Variants in KNDC1 observed in about 807,000 individuals in gnomAD.
KNDC1 encodes kinase non-catalytic C-lobe domain containing 1.
Under a neutral mutation model 172.8 loss-of-function variants are expected in KNDC1, and 106 were observed. The ratio of observed to expected loss-of-function variants is 0.61; its 90% confidence interval spans 0.52 to 0.72. The LOEUF (loss-of-function observed/expected upper bound fraction) is 0.72, where lower values mean the gene tolerates loss of function less well. KNDC1 is among the 30% of genes least tolerant of loss of function. KNDC1 has a pLI of 0.00. For missense variants in KNDC1, 2,325 were observed against 2,394.5 expected, an observed-to-expected ratio of 0.97 and a Z score of 0.61; for synonymous variants, 1,083 against 1,062.2, an observed-to-expected ratio of 1.02 and a Z score of -0.38.
At chr10:133,165,435 C>T (rs1468784148) in intron 1 of KNDC1, among the ~76,000 whole-genome samples, 1 of 152,186 alleles carries the variant, frequency 6.6e-6, no homozygotes, top group Non-Finnish European at 1.5e-5. Context: ...TGGCGGCAGG[C>T]GCCTGACCTG....
chr10:133,217,312 G>A lies in KNDC1; in HGVS notation c.4678-1519G>A, dbSNP rs1006767746. 4.6e-5 allele frequency among the ~76,000 whole-genome samples: 7 copies of A among 152,376 alleles called. No individual in the cohort carries two copies. The South Asian group carries it at 6.2e-4, about 14-fold the overall frequency. ...AGACGTCAGCGTAGAAAGTGTATCC[G>A]GTAAACACTTCTCAAGCTCCTCTCA... On this transcript the variant is annotated intron_variant, in intron 26 of 29. Coordinates refer to ENST00000304613, the MANE Select transcript of KNDC1 (RefSeq NM_152643.8).
chr10:133,166,748 T>TG (rs370750027), intron 1 of KNDC1, among the ~76,000 whole-genome samples: 37,408 of 150,190 alleles, frequency 0.25, 4,990 homozygotes, highest in Admixed American at 0.31. Context: ...TGCATGTGCA[T>TG]GGGGGGGGTG....
chr10:133,207,026 G>A (rs1845216256), intron 19 of KNDC1, 73 bp downstream of exon 19: 2 of 1,550,696 alleles, frequency 1.3e-6, no homozygotes, highest in East Asian at 4.5e-5. Flanking sequence ...GTTGGATGCT[G>A]TAAATCTGTC....
At chr10:133,219,114 G>A (rs1234326273) in intron 28 of KNDC1, 24 bp downstream of exon 28, 14 of 1,609,236 alleles carry the variant, frequency 8.7e-6, no homozygotes, top group Admixed American at 1.7e-5. Context: ...ACGTGGCCGG[G>A]CGGCTTTGGT....
At chr10:133,192,154 TC>T (rs1854084006) in intron 9 of KNDC1, among the ~76,000 whole-genome samples, 1 of 152,204 alleles carries the variant, frequency 6.6e-6, no homozygotes, top group African/African-American at 2.4e-5. Context: ...AGGAAACTAT[TC>T]TAAAATTCAT....
At position 133,211,510 on chromosome 10, in the gene KNDC1, G is replaced by C. The variant is rs1269937720; in HGVS notation, c.3997G>C (p.Val1333Leu). 6.2e-7 allele frequency: 1 copy of C among 1,614,032 alleles called. No homozygotes were observed. Among genetic ancestry groups the C allele is most frequent in the African/African-American group, 1.3e-5 (1 of 75,064 alleles). The change falls in exon 22 of 30, where the codon GTG (valine) becomes CTG (leucine). Residue 1333 changes from valine to leucine, a missense_variant. Val to Leu is a conservative substitution (Grantham distance 32, BLOSUM62 1). Coordinates refer to ENST00000304613, the MANE Select transcript of KNDC1 (RefSeq NM_152643.8). ...LQAWVEDCYA[V>L]DFPRNSGLLG... ...GGCCTGGGTGGAGGACTGCTACGCT[G>C]TGGACTTCCCTCGGAACAGCGGGCT...
At chr10:133,176,466 T>C (rs1853541712) in intron 3 of KNDC1, among the ~76,000 whole-genome samples, 1 of 152,254 alleles carries the variant, frequency 6.6e-6, no homozygotes, top group South Asian at 2.1e-4. Context: ...GGAGGGTTGT[T>C]GCTGGTCTCC....
At chr10:133,210,122 A>G (rs575287911) in intron 20 of KNDC1, among the ~76,000 whole-genome samples, 262 of 152,160 alleles carry the variant, frequency 1.7e-3, no homozygotes, top group Non-Finnish European at 3.0e-3. Flanking sequence ...ACGGTGGCTC[A>G]CGCCTGTCAT....
Position 133,172,210 on chromosome 10 carries a change from G to A in KNDC1, c.360+3898G>A, listed in dbSNP as rs959570120. 2.0e-5 allele frequency among the ~76,000 whole-genome samples: 3 copies of A among 152,136 alleles called. 1 individual carries two copies. The highest frequency in any genetic ancestry group is 1.3e-4 in the Admixed American group (2 of 15,272). ...CCCCATCCCCCATTCTAAAAAGAGC[G>A]CTTTTCACCTTCCTCATCCAGAATG... is the stretch of plus-strand genomic sequence containing the variant. On this transcript the variant is annotated intron_variant, in intron 3 of 29. Transcript: ENST00000304613.
At chr10:133,185,904 G>A in intron 5 of KNDC1, 70 bp from the exon 6 acceptor site, 1 of 713,834 alleles carries the variant, frequency 1.4e-6, no homozygotes, top group South Asian at 2.0e-5. Flanking sequence ...GGGAGGAGAG[G>A]GGAGGGGCGG....
intron 12 of KNDC1, 55 bp from the exon 13 acceptor site, chr10:133,198,282 G>C: frequency 6.7e-7 from 1 of 1,483,438 alleles, no homozygotes; most frequent in South Asian, 1.3e-5. Flanking sequence ...CCGGTGGTGC[G>C]GCACGTGCTG....
At chr10:133,210,518 A>G in intron 20 of KNDC1, 93 bp from the exon 21 acceptor site, 2 of 748,894 alleles carry the variant, frequency 2.7e-6, no homozygotes, top group Non-Finnish European at 4.9e-6. Context: ...GAAAACGCAC[A>G]CACACATACA....
rs946643604 is a variant in KNDC1 at position 133,203,008 on chromosome 10, C to T, written c.3387+1110C>T. On this transcript the variant is annotated intron_variant, in intron 17 of 29. Coordinates refer to ENST00000304613, the MANE Select transcript of KNDC1 (RefSeq NM_152643.8). ...CAGCCCCCAAACTCACGGCGTCCAG[C>T]CGGGAGCACTCCGCCCCCAAACGCA... Among the ~76,000 whole-genome samples the T allele has an allele frequency of 3.9e-5, 6 of 152,020 alleles. No individual in the cohort carries two copies. In the South Asian group the frequency reaches 1.2e-3, roughly 31 times the overall value.
chr10:133,185,495 G>GCAGTGTGTGCAGTGTGGAGTTTA lies in KNDC1; in HGVS notation c.626-463_626-462insGAGTTTACAGTGTGTGCAGTGTG, dbSNP rs1281369939. On this transcript the variant is annotated intron_variant, in intron 5 of 29. Coordinates refer to ENST00000304613, the MANE Select transcript of KNDC1 (RefSeq NM_152643.8). ...AGGCAGTGTGTGCAGTGTGGAGTAGGCAGTGTGTGCAGTGTGAAGTAGGCA... is the reference window on the plus strand; with the variant it reads ...AGGCAGTGTGTGCAGTGTGGAGTAGGCAGTGTGTGCAGTGTGGAGTTTACAGTGTGTGCAGTGTGAAGTAGGCA... Among the ~76,000 whole-genome samples the GCAGTGTGTGCAGTGTGGAGTTTA allele has an allele frequency of 1.1e-4, 16 of 150,796 alleles. 1 individual carries two copies. Among genetic ancestry groups the GCAGTGTGTGCAGTGTGGAGTTTA allele is most frequent in the Admixed American group, 1.1e-3 (16 of 15,160 alleles).
intron 3 of KNDC1, chr10:133,174,146 CTTGATGTG>C (rs1853457104): frequency 6.6e-6 from 1 of 152,406 alleles, no homozygotes; most frequent in East Asian, 1.9e-4. Context: ...AAGTGACAGA[CTTGATGTG>C]AGACCCACAG....
intron 3 of KNDC1, among the ~76,000 whole-genome samples, chr10:133,169,943 G>A (rs896873257): frequency 2.6e-5 from 4 of 152,314 alleles, no homozygotes; most frequent in African/African-American, 7.2e-5. Flanking sequence ...TTTATCCCGC[G>A]TTGCACGTTC....
At position 133,168,147 on chromosome 10, in the gene KNDC1, G is replaced by A. The variant is rs569763281; in HGVS notation, c.302-107G>A. 26 of 948,546 alleles carry A rather than the reference G, an allele frequency of 2.7e-5. 1 individual carries two copies. The highest frequency in any genetic ancestry group is 2.2e-4 in the South Asian group (17 of 77,814). 58.8% of individuals were successfully genotyped at this position (948,546 alleles called of 1,614,324 possible). A position where few individuals can be genotyped will look rare whatever the true frequency, so the allele number is the denominator to read the frequency against. ...AATGGTCTGGGGACACCAGGTCTGC[G>A]GGGAGGGAACCTGGGGCCGCTCCCT... On this transcript the variant is annotated intron_variant, in intron 2 of 29. Transcript: ENST00000304613.
At position 133,201,856 on chromosome 10, in the gene KNDC1, G is replaced by T. The variant is rs960665742; in HGVS notation, c.3345G>T (p.Gly1115=). The change falls in exon 17 of 30, where the codon GGG becomes GGT. Residue 1115 remains glycine (G), a synonymous_variant. Coordinates refer to ENST00000304613, the MANE Select transcript of KNDC1 (RefSeq NM_152643.8). ...ADVHNYVKDL[G]RQQADGALPD... is the part of the protein sequence containing the mutation. ...TCCACAACTACGTGAAGGACCTGGG[G>T]CGGCAGCAGGCGGACGGGGCCCTGC... 2.0e-6 allele frequency: 3 copies of T among 1,478,292 alleles called. No individual in the cohort carries two copies. The highest frequency in any genetic ancestry group is 2.7e-6 in the Non-Finnish European group (3 of 1,115,786). The allele number at this position is 1,478,292 out of a possible 1,614,324, so 91.6% of individuals were successfully genotyped here. A position where few individuals can be genotyped will look rare whatever the true frequency, so the allele number is the denominator to read the frequency against.
At position 133,225,107 on chromosome 10, in the gene KNDC1, TTGGAGGTTTG is replaced by T. The variant is rs1263110133; in HGVS notation, c.*218_*227del. ...CGGAGCCAGGACGGGCACAAGAGTC[TTGGAGGTTTG>T]CGTGTTTCTGCTAGAATTAAAAAGT... On this transcript the variant is annotated 3_prime_UTR_variant, in exon 30 of 30. Coordinates refer to ENST00000304613, the MANE Select transcript of KNDC1 (RefSeq NM_152643.8). 3.5e-6 allele frequency: 2 copies of T among 571,448 alleles called. No homozygotes were observed. Among genetic ancestry groups the T allele is most frequent in the Non-Finnish European group, 6.3e-6 (2 of 318,356 alleles). The allele number at this position is 571,448 out of a possible 1,614,324, so 35.4% of individuals were successfully genotyped here.
Sources: gnomAD v4.1 joint callset for allele counts (sites outside exome capture counted in the v4.1 genomes callset) on GRCh38, gnomAD v4.1.1 for gene constraint, MANE v1.5 for transcripts, NCBI Gene and HGNC (gene_info 2026-07-23, HGNC 2026-07-21) for gene names.